The following BRIP1 variants were observed in gnomAD, a reference collection of about 807,000 sequenced individuals.
The protein encoded by BRIP1 is Fanconi anemia group J protein.
A neutral mutation model predicts 119.7 loss-of-function variants in BRIP1; 88 were observed. The observed-to-expected ratio is 0.74, with a 90% CI of 0.62 to 0.88. BRIP1 has a LOEUF of 0.88. Among genes scored for constraint, BRIP1 ranks in the 40% least tolerant of loss-of-function variants. The pLI is 0.00. For synonymous variants in BRIP1, 443 were observed against 496.5 expected (o/e 0.89, Z 1.43); for missense variants, 1,259 against 1,455.4 (o/e 0.87, Z 2.20).
rs937104453 is a variant in BRIP1, at chr17:61,684,323, GTC to G, written c.2906-185_2906-184del. Among the ~76,000 whole-genome samples the G allele has an allele frequency of 6.6e-6, 1 of 152,112 alleles. No individual in the cohort carries two copies. Among genetic ancestry groups the G allele is most frequent in the African/African-American group, 2.4e-5 (1 of 41,408 alleles). ...ATATTAACTCTGAAAGAAATCTTAG[GTC>G]TCTAATGTTTCCTAGCCCAAGTTAT... On this transcript the variant is annotated intron_variant, in intron 19 of 19. Transcript: ENST00000259008. This position sits in a 1 kb window ranked among gnomAD's most constrained non-coding sequence, Gnocchi z 4.5.
rs2077083208 is a variant in BRIP1 at position 61,748,090 on chromosome 17, G to A, written c.2098-3499C>T. Among the ~76,000 whole-genome samples, 1 of 152,084 alleles carries A rather than the reference G, an allele frequency of 6.6e-6. No individual in the cohort carries two copies. The highest frequency in any genetic ancestry group is 1.5e-5 in the Non-Finnish European group (1 of 67,998). On this transcript the variant is annotated intron_variant, in intron 14 of 19. Coordinates refer to ENST00000259008, the MANE Select transcript of BRIP1 (RefSeq NM_032043.3). This position sits in a 1 kb window ranked among gnomAD's most constrained non-coding sequence, Gnocchi z 4.7. ...CCCAACCCCCAGGCCACAGAATACTGGTAGAATCCAGGCTGCACAGCAGGA... is the reference window on the plus strand; with the variant it reads ...CCCAACCCCCAGGCCACAGAATACTAGTAGAATCCAGGCTGCACAGCAGGA...
At chr17:61,763,896 T>C (rs980264957) in intron 14 of BRIP1, among the ~76,000 whole-genome samples, 6 of 152,034 alleles carry the variant, frequency 3.9e-5, no homozygotes, top group Non-Finnish European at 7.4e-5. Flanking sequence ...TCTATGAACA[T>C]AGATGAAAAA....
chr17:61,787,153 AT>A lies in BRIP1; in HGVS notation c.1474-2730del, dbSNP rs1355785611. 1.0e-4 allele frequency among the ~76,000 whole-genome samples: 11 copies of A among 104,956 alleles called. 1 individual carries two copies. In the East Asian group the frequency reaches 2.9e-3, roughly 28 times the overall value. 68.9% of individuals were successfully genotyped at this position (104,956 alleles called of 152,430 possible). A position where few individuals can be genotyped will look rare whatever the true frequency, so the allele number is the denominator to read the frequency against. The stretch of plus-strand genomic sequence containing the variant: ...TATACTATATAAAATATATAAAAAT[AT>A]ATTATATACTATATAAAATATATAA... On this transcript the variant is annotated intron_variant, in intron 10 of 19. Coordinates refer to ENST00000259008, the MANE Select transcript of BRIP1 (RefSeq NM_032043.3).
Position 61,842,145 on chromosome 17 carries a change from G to A in BRIP1, c.627+4956C>T, listed in dbSNP as rs2078667175. On this transcript the variant is annotated intron_variant, in intron 6 of 19. Transcript: ENST00000259008. The surrounding 1 kb of genome is among the most constrained non-coding windows in gnomAD (Gnocchi z 5.1). ...AACCTTGTTATTTGCAGCAACATGG[G>A]TAAGCCTGGAAGATATTAAGTGAAA... 6.6e-6 allele frequency among the ~76,000 whole-genome samples: 1 copy of A among 152,164 alleles called. No homozygotes were observed. The highest frequency in any genetic ancestry group is 1.9e-4 in the East Asian group (1 of 5,198).
rs1024472057 is a variant in BRIP1 at position 61,729,782 on chromosome 17, C to A, written c.2379+13231G>T. Among the ~76,000 whole-genome samples the A allele has an allele frequency of 6.6e-6, 1 of 151,992 alleles. No homozygotes were observed. The highest frequency in any genetic ancestry group is 1.5e-5 in the Non-Finnish European group (1 of 68,018). ...ACTATGTAAAACAGTGGTGCTCAACCGAGAGCAATTTTGCCAACCAGAAGA... is the reference window on the plus strand; with the variant it reads ...ACTATGTAAAACAGTGGTGCTCAACAGAGAGCAATTTTGCCAACCAGAAGA... On this transcript the variant is annotated intron_variant, in intron 16 of 19. Coordinates refer to ENST00000259008, the MANE Select transcript of BRIP1 (RefSeq NM_032043.3). The surrounding 1 kb of genome is among the most constrained non-coding windows in gnomAD (Gnocchi z 5.6).
At chr17:61,732,689 C>T (rs1292284688) in intron 16 of BRIP1, among the ~76,000 whole-genome samples, 4 of 151,896 alleles carry the variant, frequency 2.6e-5, no homozygotes, top group African/African-American at 4.8e-5. Flanking sequence ...CATTCAATAT[C>T]ATTAACATTT....
chr17:61,835,567 G>A (rs750148342), intron 6 of BRIP1, among the ~76,000 whole-genome samples: 1 of 151,852 alleles, frequency 6.6e-6, no homozygotes, highest in Non-Finnish European at 1.5e-5. Context: ...GAATACAAAG[G>A]ATAAATAATT....
Position 61,847,177 on chromosome 17 carries a change from T to C in BRIP1, c.551A>G (p.Asp184Gly). 1 of 1,613,702 alleles carries C rather than the reference T, an allele frequency of 6.2e-7. No homozygotes were observed. The highest frequency in any genetic ancestry group is 8.5e-7 in the Non-Finnish European group (1 of 1,179,646). Residue 184 changes from aspartate (D) to glycine (G), a missense_variant, in exon 6 of 20, where the codon GAT (aspartate) becomes GGT (glycine). Around this residue, in one of 3 missense-constraint regions of BRIP1, gnomAD observed 501 missense variants for 544.0 expected, o/e 0.92. Coordinates refer to ENST00000259008, the MANE Select transcript of BRIP1 (RefSeq NM_032043.3). ...AGTCTTTCCTGAATCAACTTTTGCA[T>C]CCAAATTGTGTACTTCTGTTCCAAA... ...HCFGTEVHNL[D>G]AKVDSGKTVK...
At position 61,708,116 on chromosome 17, in the gene BRIP1, A is replaced by G. The variant is rs1208381105; in HGVS notation, c.2492+7835T>C. ...TTTTAAGAGGATTAAGGAAAAAACA[A>G]AAAATATGTGACAGAGACTGTATGT... On this transcript the variant is annotated intron_variant, in intron 17 of 19. Coordinates refer to ENST00000259008, the MANE Select transcript of BRIP1 (RefSeq NM_032043.3). This position sits in a 1 kb window ranked among gnomAD's most constrained non-coding sequence, Gnocchi z 4.4. Among the ~76,000 whole-genome samples the G allele has an allele frequency of 6.6e-6, 1 of 152,192 alleles. No individual in the cohort carries two copies. Among genetic ancestry groups the G allele is most frequent in the East Asian group, 1.9e-4 (1 of 5,200 alleles).
rs2078424926 is a variant in BRIP1, at chr17:61,827,326, C to A, written c.628-18569G>T. ...AGAAAAATAACTAATGGGTACTAGG[C>A]TTAATACCTGGGTGACAAAATAATC... On this transcript the variant is annotated intron_variant, in intron 6 of 19. Transcript: ENST00000259008. The surrounding 1 kb of genome is among the most constrained non-coding windows in gnomAD (Gnocchi z 5.8). 6.6e-6 allele frequency among the ~76,000 whole-genome samples: 1 copy of A among 152,046 alleles called. No homozygotes were observed. The highest frequency in any genetic ancestry group is 2.4e-5 in the African/African-American group (1 of 41,394).
rs1448329726 is a variant in BRIP1, at chr17:61,706,387, C to G, written c.2492+9564G>C. Among the ~76,000 whole-genome samples the G allele has an allele frequency of 1.3e-5, 2 of 152,112 alleles. No individual in the cohort carries two copies. The highest frequency in any genetic ancestry group is 2.9e-5 in the Non-Finnish European group (2 of 67,990). ...CTTTTCTAGGACTGAAACGCCCAAACTATTTTTTAAAGTTAATTTTAGCTT... is the reference window on the plus strand; with the variant it reads ...CTTTTCTAGGACTGAAACGCCCAAAGTATTTTTTAAAGTTAATTTTAGCTT... On this transcript the variant is annotated intron_variant, in intron 17 of 19. Transcript: ENST00000259008. This position sits in a 1 kb window ranked among gnomAD's most constrained non-coding sequence, Gnocchi z 5.7.
At position 61,841,688 on chromosome 17, in the gene BRIP1, G is replaced by A. The variant is rs187021163; in HGVS notation, c.627+5413C>T. ...TACTACCATATAATCATATAATCCA[G>A]CAATCCTACTACTATTTATCCAAAG... On this transcript the variant is annotated intron_variant, in intron 6 of 19. Coordinates refer to ENST00000259008, the MANE Select transcript of BRIP1 (RefSeq NM_032043.3). This position sits in a 1 kb window ranked among gnomAD's most constrained non-coding sequence, Gnocchi z 4.1. 2.0e-4 allele frequency among the ~76,000 whole-genome samples: 31 copies of A among 152,156 alleles called. No homozygotes were observed. In the East Asian group the frequency reaches 3.3e-3, roughly 16 times the overall value.
intron 16 of BRIP1, among the ~76,000 whole-genome samples, chr17:61,721,197 C>T (rs2061967275): frequency 6.6e-6 from 1 of 150,612 alleles, no homozygotes; most frequent in South Asian, 2.1e-4. Flanking sequence ...CAGAACAGTA[C>T]ACTTCTGAAA....
rs2077013291 is a variant in BRIP1, at chr17:61,743,391, C to T, written c.2258-257G>A. Reference sequence around the variant, plus strand: ...TTCCAGATAACTTATACAGTAAAAACATGTCAGAATAGCAACTTGCATATG... The same window carrying T: ...TTCCAGATAACTTATACAGTAAAAATATGTCAGAATAGCAACTTGCATATG... On this transcript the variant is annotated intron_variant, in intron 15 of 19. Transcript: ENST00000259008. This position sits in a 1 kb window ranked among gnomAD's most constrained non-coding sequence, Gnocchi z 4.3. 6.6e-6 allele frequency among the ~76,000 whole-genome samples: 1 copy of T among 152,134 alleles called. No homozygotes were observed. Among genetic ancestry groups the T allele is most frequent in the South Asian group, 2.1e-4 (1 of 4,836 alleles).
intron 10 of BRIP1, among the ~76,000 whole-genome samples, chr17:61,788,237 T>C (rs984800483): frequency 6.6e-6 from 1 of 152,080 alleles, no homozygotes; most frequent in African/African-American, 2.4e-5. Flanking sequence ...TCATTTGTAA[T>C]GGAAACAGAA....
At chr17:61,731,985 T>A (rs1250077230) in intron 16 of BRIP1, among the ~76,000 whole-genome samples, 5 of 130,902 alleles carry the variant, frequency 3.8e-5, no homozygotes, top group African/African-American at 1.5e-4. Context: ...TTCTTTCTTT[T>A]TTTTTTTTTT....
At chr17:61,716,830 G>GTA (rs2061882819) in intron 16 of BRIP1, among the ~76,000 whole-genome samples, 2 of 151,278 alleles carry the variant, frequency 1.3e-5, no homozygotes, top group African/African-American at 2.4e-5. Flanking sequence ...TTCCACTACT[G>GTA]GATTATTAGC....
Position 61,752,853 on chromosome 17 carries a change from G to C in BRIP1, c.2098-8262C>G, listed in dbSNP as rs1171744385. ...ATATGGTGTTGGATGGGACATGACA[G>C]GGAAGGGAGAAAAAGGTTCACAGGT... On this transcript the variant is annotated intron_variant, in intron 14 of 19. Coordinates refer to ENST00000259008, the MANE Select transcript of BRIP1 (RefSeq NM_032043.3). The surrounding 1 kb of genome is among the most constrained non-coding windows in gnomAD (Gnocchi z 6.2). 6.6e-6 allele frequency among the ~76,000 whole-genome samples: 1 copy of C among 152,172 alleles called. No individual in the cohort carries two copies. The highest frequency in any genetic ancestry group is 2.1e-4 in the South Asian group (1 of 4,828).
Position 61,843,773 on chromosome 17 carries a change from T to C in BRIP1, c.627+3328A>G, listed in dbSNP as rs1465370030. On this transcript the variant is annotated intron_variant, in intron 6 of 19. Transcript: ENST00000259008. The surrounding 1 kb of genome is among the most constrained non-coding windows in gnomAD (Gnocchi z 5.7). ...AACTGTGAGTGAAAATAAACCTCTT[T>C]TCTTTATAAATTGCCCAGCCTCTGG... Among the ~76,000 whole-genome samples the C allele has an allele frequency of 6.6e-6, 1 of 152,160 alleles. No individual in the cohort carries two copies. Among genetic ancestry groups the C allele is most frequent in the African/African-American group, 2.4e-5 (1 of 41,444 alleles).
Sources: gnomAD v4.1 joint callset for allele counts (sites outside exome capture counted in the v4.1 genomes callset) on GRCh38, gnomAD v4.1.1 for gene constraint, gnomAD v4.1.1 regional missense constraint, Gnocchi (gnomAD v3.1) non-coding constraint, MANE v1.5 for transcripts, NCBI Gene and HGNC (gene_info 2026-07-23, HGNC 2026-07-21) for gene names.